DIAPH2: variants seen among roughly 807,000 people sequenced by gnomAD.
DIAPH2 encodes diaphanous related formin 2.
DIAPH2 carries 35 observed loss-of-function variants against 92.7 expected under a neutral mutation model. The observed-to-expected ratio is 0.38, with a 90% CI of 0.29 to 0.50. The LOEUF is 0.50. Among genes scored for constraint, DIAPH2 ranks in the 20% least tolerant of loss-of-function variants. DIAPH2 has a pLI of 0.94. For synonymous variants in DIAPH2, 301 were observed against 280.4 expected, an observed-to-expected ratio of 1.07 and a Z score of -0.73; for missense variants, 701 against 819.5, an observed-to-expected ratio of 0.86 and a Z score of 1.77.
rs34823574 is a variant in DIAPH2, at chrX:96,856,586, T to TAA, written c.448-24985_448-24984dup. Among the ~76,000 whole-genome samples the TAA allele has an allele frequency of 1.3e-4, 14 of 105,863 alleles. No homozygotes were observed. The East Asian group carries it at 2.1e-3, about 16-fold the overall frequency. 91.9% of individuals were successfully genotyped at this position (105,863 alleles called of 115,157 possible). ...ATTTATTTGTCCTAATATATATATTTAAAAAAAAAGTTGTTCAGAGATAAA... is the reference window on the plus strand; with the variant it reads ...ATTTATTTGTCCTAATATATATATTTAAAAAAAAAAAGTTGTTCAGAGATAAA... On this transcript the variant is annotated intron_variant, in intron 4 of 26. Transcript: ENST00000324765.
intron 23 of DIAPH2, among the ~76,000 whole-genome samples, chrX:97,302,505 T>G (rs2068715487): frequency 9.1e-6 from 1 of 110,477 alleles, no homozygotes; most frequent in Non-Finnish European, 1.9e-5. Context: ...CACTCCAGCC[T>G]GGGCAGCAAG....
At chrX:97,155,333 T>C (rs1325084417) in intron 22 of DIAPH2, among the ~76,000 whole-genome samples, 1 of 110,180 alleles carries the variant, frequency 9.1e-6, no homozygotes, top group Non-Finnish European at 1.9e-5. Flanking sequence ...AAACCCCGTC[T>C]CTACGAAAAA....
At chrX:97,598,005 G>A (rs1302538276) in intron 26 of DIAPH2, among the ~76,000 whole-genome samples, 2 of 111,306 alleles carry the variant, frequency 1.8e-5, no homozygotes, top group African/African-American at 6.5e-5. Context: ...ATGGAGGCCC[G>A]TTAGCTTTGC....
intron 4 of DIAPH2, among the ~76,000 whole-genome samples, chrX:96,871,845 CTTTAACGGG>C (rs2065145522): frequency 8.9e-6 from 1 of 112,057 alleles, no homozygotes; most frequent in Non-Finnish European, 1.9e-5. Flanking sequence ...CCTAAATGTT[CTTTAACGGG>C]TGAGTGGTTA....
At chrX:96,969,790 A>G (rs2147830145) in intron 17 of DIAPH2, among the ~76,000 whole-genome samples, 1 of 111,370 alleles carries the variant, frequency 9.0e-6, no homozygotes, top group Non-Finnish European at 1.9e-5. Context: ...ACGATGAGAG[A>G]GGGCATCCTT....
intron 22 of DIAPH2, among the ~76,000 whole-genome samples, chrX:97,192,073 C>T (rs1350285114): frequency 9.0e-6 from 1 of 110,683 alleles, no homozygotes; most frequent in Non-Finnish European, 1.9e-5. Context: ...GGGCAGATCA[C>T]GAGGTCAGGA....
intron 23 of DIAPH2, among the ~76,000 whole-genome samples, chrX:97,338,512 A>G (rs912053196): frequency 8.9e-6 from 1 of 112,139 alleles, no homozygotes; most frequent in Non-Finnish European, 1.9e-5. Context: ...ATTTTAATAG[A>G]TTGTATATTT....
intron 5 of DIAPH2, among the ~76,000 whole-genome samples, chrX:96,895,354 A>G (rs1296186771): frequency 1.8e-5 from 2 of 111,588 alleles, no homozygotes; most frequent in African/African-American, 6.5e-5. Context: ...TCATATTGAT[A>G]TAAAGGATAT....
intron 3 of DIAPH2, among the ~76,000 whole-genome samples, chrX:96,755,899 A>C (rs1358909204): frequency 9.6e-6 from 1 of 104,033 alleles, no homozygotes; most frequent in East Asian, 3.0e-4. Flanking sequence ...GGTCTTGCTC[A>C]GATTTCCAGG....
rs752959650 is a variant in DIAPH2 at position 97,075,528 on chromosome X, T to G, written c.2247+267T>G. Among the ~76,000 whole-genome samples, 5 of 111,954 alleles carry G rather than the reference T, an allele frequency of 4.5e-5. No homozygotes were observed. The Admixed American group carries it at 4.7e-4, about 11-fold the overall frequency. ...GCATATATAGACATATCATTGTCCA[T>G]TATTCACTGTACATACAATTACATG... On this transcript the variant is annotated intron_variant, in intron 19 of 26. Coordinates refer to ENST00000324765, the MANE Select transcript of DIAPH2 (RefSeq NM_006729.5).
chrX:96,704,707 C>T (rs958514780), intron 1 of DIAPH2, among the ~76,000 whole-genome samples: 4 of 111,243 alleles, frequency 3.6e-5, no homozygotes, highest in African/African-American at 1.3e-4. Context: ...TAGTATAGTT[C>T]AGTTTCCTAA....
chrX:97,194,665 G>C (rs780587412), intron 22 of DIAPH2, among the ~76,000 whole-genome samples: 2 of 111,628 alleles, frequency 1.8e-5, no homozygotes, highest in South Asian at 7.6e-4. Context: ...CATGATGAGA[G>C]GGGAGGGGAG....
chrX:96,949,359 T>C (rs1402747374), intron 15 of DIAPH2, among the ~76,000 whole-genome samples: 4 of 111,021 alleles, frequency 3.6e-5, no homozygotes, highest in Non-Finnish European at 7.5e-5. Flanking sequence ...AAAAAGAATG[T>C]AGAAATAGTC....
intron 22 of DIAPH2, among the ~76,000 whole-genome samples, chrX:97,161,662 T>C (rs1301621501): frequency 9.0e-6 from 1 of 111,565 alleles, no homozygotes; most frequent in African/African-American, 3.3e-5. Flanking sequence ...TGGGAAGCCA[T>C]TGCCTACTCC....
chrX:97,187,281 C>CTTTTTTTTTTTTTTTTTTTT lies in DIAPH2; in HGVS notation c.2719+45491_2719+45510dup, dbSNP rs763781923. Among the ~76,000 whole-genome samples the CTTTTTTTTTTTTTTTTTTTT allele has an allele frequency of 5.4e-4, 20 of 36,881 alleles. 5 individuals carry two copies. The highest frequency in any genetic ancestry group is 1.8e-3 in the African/African-American group (17 of 9,667). The allele number at this position is 36,881 out of a possible 115,157, so 32.0% of individuals were successfully genotyped here. ...AGGGATTGAAGACTAATTAAGTAGC[C>CTTTTTTTTTTTTTTTTTTTT]TTTTTTTTTTTTTTTTTTTTTTTGC... On this transcript the variant is annotated intron_variant, in intron 22 of 26. Coordinates refer to ENST00000324765, the MANE Select transcript of DIAPH2 (RefSeq NM_006729.5).
At chrX:97,196,011 G>A (rs762003070) in intron 22 of DIAPH2, among the ~76,000 whole-genome samples, 81 of 111,645 alleles carry the variant, frequency 7.3e-4, no homozygotes, top group African/African-American at 2.6e-3. Flanking sequence ...TTCTTTGCAA[G>A]ATTTAATTGC....
At chrX:97,585,645 G>A (rs762268824) in intron 26 of DIAPH2, among the ~76,000 whole-genome samples, 1 of 110,177 alleles carries the variant, frequency 9.1e-6, no homozygotes, top group Non-Finnish European at 1.9e-5. Flanking sequence ...GGTACATCGG[G>A]CACAATGACC....
At chrX:96,966,057 G>A (rs1355925286) in intron 17 of DIAPH2, among the ~76,000 whole-genome samples, 1 of 111,311 alleles carries the variant, frequency 9.0e-6, no homozygotes, top group Non-Finnish European at 1.9e-5. Flanking sequence ...CTTAGAATAT[G>A]AGAATATAAA....
At chrX:96,962,390 T>C (rs1356883392) in intron 16 of DIAPH2, among the ~76,000 whole-genome samples, 5 of 69,797 alleles carry the variant, frequency 7.2e-5, no homozygotes, top group South Asian at 6.9e-4. Flanking sequence ...CACATATATA[T>C]ACACATATAT....
Sources: allele counts gnomAD v4.1 joint callset (sites outside exome capture counted in the v4.1 genomes callset), GRCh38; gene constraint gnomAD v4.1.1; transcripts MANE v1.5; gene names NCBI Gene and HGNC (gene_info 2026-07-23, HGNC 2026-07-21).